The following LPCAT1 variants were observed in gnomAD, a reference collection of about 807,000 sequenced individuals.
The protein encoded by LPCAT1 is 1-acylglycerol-3-phosphate O-acyltransferase.
In LPCAT1, 23 loss-of-function variants were observed where a neutral mutation model predicts 60.9. The ratio of observed to expected loss-of-function variants is 0.38; its 90% CI spans 0.27 to 0.53. LPCAT1 has a LOEUF of 0.53. Among genes scored for constraint, LPCAT1 ranks in the 20% least tolerant of loss-of-function variants. LPCAT1 has a pLI of 0.82. For synonymous variants in LPCAT1, 340 were observed against 301.1 expected (o/e 1.13, Z -1.34); for missense variants, 622 against 723.6 (o/e 0.86, Z 1.61).
In LPCAT1 at chr5:1,501,717, G is replaced by A. The variant is rs1476478682; in HGVS notation, c.136-114C>T. ...GCGCCCCACAGAGTGGAGAGCTGGG[G>A]AGGGGCTGCAGCTGGCACACAGCTG... is the stretch of plus-strand genomic sequence containing the variant. On this transcript the variant is annotated intron_variant, in intron 1 of 13. Transcript: ENST00000283415. The A allele has an allele frequency of 1.9e-5, 21 of 1,092,656 alleles. No homozygotes were observed. The East Asian group carries it at 5.0e-4, about 26-fold the overall frequency. The allele number at this position is 1,092,656 out of a possible 1,614,324, so 67.7% of individuals were successfully genotyped here.
chr5:1,500,953 C>A (rs1330665678), intron 2 of LPCAT1, among the ~76,000 whole-genome samples: 3 of 152,152 alleles, frequency 2.0e-5, no homozygotes, highest in Non-Finnish European at 4.4e-5. Flanking sequence ...AGGCAGGAGG[C>A]CTGTGTCACT....
Position 1,480,449 on chromosome 5 carries a change from G to C in LPCAT1, c.761+493C>G, listed in dbSNP as rs894863039. 3 of 841,302 alleles carry C rather than the reference G, an allele frequency of 3.6e-6. No homozygotes were observed. Among genetic ancestry groups the C allele is most frequent in the South Asian group, 5.4e-5 (1 of 18,490 alleles). 52.1% of individuals were successfully genotyped at this position (841,302 alleles called of 1,614,324 possible). On this transcript the variant is annotated intron_variant, in intron 7 of 13. Transcript: ENST00000283415. This position sits in a 1 kb window ranked among gnomAD's most constrained non-coding sequence, Gnocchi z 6.4. ...GAGGCCCTGACCAGCCTGTGGCCCC[G>C]GGCTTCTCCTCTGGGGCTCGTTCCC...
intron 3 of LPCAT1, among the ~76,000 whole-genome samples, chr5:1,493,602 CGTGCT>C (rs755567857): frequency 6.6e-6 from 1 of 152,262 alleles, no homozygotes; most frequent in East Asian, 1.9e-4. Flanking sequence ...TGCCCCAGAA[CGTGCT>C]GTGCTGTGCT....
At chr5:1,478,143 T>C (rs1681826003) in intron 8 of LPCAT1, among the ~76,000 whole-genome samples, 1 of 152,286 alleles carries the variant, frequency 6.6e-6, no homozygotes, top group African/African-American at 2.4e-5. Context: ...TCTTGCATTT[T>C]GAAACTAAAA....
intron 1 of LPCAT1, among the ~76,000 whole-genome samples, chr5:1,503,334 G>A (rs1186175148): frequency 1.3e-5 from 2 of 151,690 alleles, no homozygotes; most frequent in Admixed American, 1.3e-4. Context: ...CTTTACTGCT[G>A]AGAAACCTTC....
chr5:1,463,507 C>T lies in LPCAT1; in HGVS notation c.*144G>A. 1.2e-6 allele frequency: 1 copy of T among 812,548 alleles called. No individual in the cohort carries two copies. Among genetic ancestry groups the T allele is most frequent in the Non-Finnish European group, 1.9e-6 (1 of 525,398 alleles). 50.3% of individuals were successfully genotyped at this position (812,548 alleles called of 1,614,324 possible). On this transcript the variant is annotated 3_prime_UTR_variant, in exon 14 of 14. Coordinates refer to ENST00000283415, the MANE Select transcript of LPCAT1 (RefSeq NM_024830.5). ...ACTTCACAAAGGAACAAGATACAAACAGCCCCCGAGGCCCCTGGAACTCGG... is the reference window on the plus strand; with the variant it reads ...ACTTCACAAAGGAACAAGATACAAATAGCCCCCGAGGCCCCTGGAACTCGG...
At chr5:1,516,423 G>A (rs1010669537) in intron 1 of LPCAT1, among the ~76,000 whole-genome samples, 6 of 152,114 alleles carry the variant, frequency 3.9e-5, no homozygotes, top group Non-Finnish European at 8.8e-5. Flanking sequence ...GGTAGCCTAG[G>A]AGAACAAACA....
chr5:1,502,584 G>A lies in LPCAT1; in HGVS notation c.136-981C>T, dbSNP rs1223696574. On this transcript the variant is annotated intron_variant, in intron 1 of 13. Transcript: ENST00000283415. The surrounding 1 kb of genome is among the most constrained non-coding windows in gnomAD (Gnocchi z 5.5). ...GGAAGGCCGAGGCTGCGGGATCCCA[G>A]GCAGCCCAGGGTCTGAGGATGGAGG... Among the ~76,000 whole-genome samples the A allele has an allele frequency of 6.6e-6, 1 of 152,224 alleles. No homozygotes were observed. The highest frequency in any genetic ancestry group is 1.5e-5 in the Non-Finnish European group (1 of 68,038).
rs1205953680 is a variant in LPCAT1 at position 1,477,532 on chromosome 5, C to G, written c.817-46G>C. 2 of 1,394,154 alleles carry G rather than the reference C, an allele frequency of 1.4e-6. No individual in the cohort carries two copies. The highest frequency in any genetic ancestry group is 1.0e-6 in the Non-Finnish European group (1 of 988,282). 86.4% of individuals were successfully genotyped at this position (1,394,154 alleles called of 1,614,324 possible). The stretch of plus-strand genomic sequence containing the variant: ...CGTTAGTATCACAAGACGCTGACCT[C>G]AGCAACACCACTGTAACGACAACTG... On this transcript the variant is annotated intron_variant, in intron 8 of 13. Transcript: ENST00000283415. This position sits in a 1 kb window ranked among gnomAD's most constrained non-coding sequence, Gnocchi z 6.0.
Position 1,489,872 on chromosome 5 carries a change from G to T in LPCAT1, c.494-14C>A. On this transcript the variant is annotated splice_polypyrimidine_tract_variant and intron_variant, in intron 3 of 13. Transcript: ENST00000283415. ...ACTGGATCAGAGCTGGAAGAGAGGA[G>T]GGGAGACGGATCACGTGGAATGCAC... The T allele has an allele frequency of 1.9e-6, 3 of 1,573,064 alleles. No homozygotes were observed. The highest frequency in any genetic ancestry group is 2.6e-6 in the Non-Finnish European group (3 of 1,142,666).
Position 1,477,272 on chromosome 5 carries a change from T to C in LPCAT1, c.899+132A>G, listed in dbSNP as rs1734956337. 2 of 704,776 alleles carry C rather than the reference T, an allele frequency of 2.8e-6. No homozygotes were observed. Among genetic ancestry groups the C allele is most frequent in the Non-Finnish European group, 4.9e-6 (2 of 410,374 alleles). 43.7% of individuals were successfully genotyped at this position (704,776 alleles called of 1,614,324 possible). A position where few individuals can be genotyped will look rare whatever the true frequency, so the allele number is the denominator to read the frequency against. Reference sequence around the variant, plus strand: ...CAAGGCCAAGCACGCTTCACCAACATGCATGAAGCTGGTTCCCGCACTTCT... The same window carrying C: ...CAAGGCCAAGCACGCTTCACCAACACGCATGAAGCTGGTTCCCGCACTTCT... On this transcript the variant is annotated intron_variant, in intron 9 of 13. Coordinates refer to ENST00000283415, the MANE Select transcript of LPCAT1 (RefSeq NM_024830.5). This position sits in a 1 kb window ranked among gnomAD's most constrained non-coding sequence, Gnocchi z 6.0.
chr5:1,494,628 C>G (rs573694315), intron 3 of LPCAT1, 72 bp downstream of exon 3: 2 of 1,414,828 alleles, frequency 1.4e-6, no homozygotes, highest in African/African-American at 2.8e-5. Context: ...ATCTCTTATT[C>G]TCAGCAGCAG....
At chr5:1,467,172 A>C in intron 12 of LPCAT1, 1 of 353,444 alleles carries the variant, frequency 2.8e-6, no homozygotes, top group Non-Finnish European at 5.0e-6. Flanking sequence ...TCAGCAAACC[A>C]ACCAGCACCT....
At chr5:1,475,022 A>G (rs1734844496) in intron 9 of LPCAT1, among the ~76,000 whole-genome samples, 1 of 152,242 alleles carries the variant, frequency 6.6e-6, no homozygotes. Context: ...CATGTGACCC[A>G]GAGACGCCAA....
At position 1,481,512 on chromosome 5, in the gene LPCAT1, C is replaced by A. The variant is rs1250111802; in HGVS notation, c.727-536G>T. Among the ~76,000 whole-genome samples, 2 of 152,260 alleles carry A rather than the reference C, an allele frequency of 1.3e-5. No homozygotes were observed. Among genetic ancestry groups the A allele is most frequent in the Non-Finnish European group, 2.9e-5 (2 of 68,042 alleles). Reference sequence around the variant, plus strand: ...CAGCCTCAGTGCCGCCGGGCAGGGACCACACAGCAGGGGCCGTGACGGCAG... The same window carrying A: ...CAGCCTCAGTGCCGCCGGGCAGGGAACACACAGCAGGGGCCGTGACGGCAG... On this transcript the variant is annotated intron_variant, in intron 6 of 13. Coordinates refer to ENST00000283415, the MANE Select transcript of LPCAT1 (RefSeq NM_024830.5). This position sits in a 1 kb window ranked among gnomAD's most constrained non-coding sequence, Gnocchi z 7.8.
chr5:1,482,634 TGGGGTGGGGC>T (rs1735202087), intron 6 of LPCAT1, among the ~76,000 whole-genome samples: 1 of 45,260 alleles, frequency 2.2e-5, no homozygotes, highest in Non-Finnish European at 4.7e-5. Flanking sequence ...TGGGGTGGGC[TGGGGTGGGGC>T]AGAGCCGGGG....
At chr5:1,501,344 A>T in intron 2 of LPCAT1, 117 bp downstream of exon 2, 2 of 1,387,094 alleles carry the variant, frequency 1.4e-6, no homozygotes, top group Non-Finnish European at 1.9e-6. Context: ...CTGGGCTCAG[A>T]AGGGAAGGAC....
At chr5:1,509,878 C>G (rs1481312098) in intron 1 of LPCAT1, among the ~76,000 whole-genome samples, 1 of 152,190 alleles carries the variant, frequency 6.6e-6, no homozygotes, top group Non-Finnish European at 1.5e-5. Flanking sequence ...CCTTTGGAGC[C>G]CGAGGCACGG....
chr5:1,493,829 T>C (rs192874454), intron 3 of LPCAT1, among the ~76,000 whole-genome samples: 3 of 152,320 alleles, frequency 2.0e-5, no homozygotes, highest in African/African-American at 7.2e-5. Flanking sequence ...TGAGGCCTTA[T>C]TTGGAAAAAG....
Sources: gnomAD v4.1 joint callset for allele counts (sites outside exome capture counted in the v4.1 genomes callset) on GRCh38, gnomAD v4.1.1 for gene constraint, Gnocchi (gnomAD v3.1) non-coding constraint, MANE v1.5 for transcripts, NCBI Gene and HGNC (gene_info 2026-07-23, HGNC 2026-07-21) for gene names.